The following ATP6V1C1 variants were observed in gnomAD, a reference collection of about 807,000 sequenced individuals.
ATP6V1C1 encodes ATPase H+ transporting V1 subunit C1.
Under a neutral mutation model 53.9 loss-of-function variants are expected in ATP6V1C1, and 45 were observed. The ratio of observed to expected loss-of-function variants is 0.83; its 90% CI spans 0.66 to 1.07. The LOEUF (loss-of-function observed/expected upper bound fraction) is 1.07. ATP6V1C1 is among the 50% of genes least tolerant of loss of function. ATP6V1C1 has a pLI of 0.00. For missense variants in ATP6V1C1, 315 were observed against 440.3 expected (o/e 0.72, Z 2.55); for synonymous variants, 153 against 155.2 (o/e 0.99, Z 0.11).
intron 8 of ATP6V1C1, among the ~76,000 whole-genome samples, chr8:103,060,832 T>C (rs1282087551): frequency 1.3e-5 from 2 of 152,226 alleles, no homozygotes; most frequent in African/African-American, 2.4e-5. Flanking sequence ...AGGAATTTGC[T>C]GTGTCCCAGA....
intron 2 of ATP6V1C1, among the ~76,000 whole-genome samples, chr8:103,041,440 A>C (rs1049475931): frequency 6.6e-6 from 1 of 152,240 alleles, no homozygotes; most frequent in Non-Finnish European, 1.5e-5. Context: ...GTCATCTAGC[A>C]GCCTCAAAGT....
chr8:103,063,280 G>A lies in ATP6V1C1; in HGVS notation c.828+52G>A, dbSNP rs190513001. 5.4e-3 allele frequency: 6,397 copies of A among 1,182,144 alleles called. 29 individuals are homozygous for A. Among genetic ancestry groups the A allele is most frequent in the Non-Finnish European group, 6.6e-3 (5,531 of 839,676 alleles). The allele number at this position is 1,182,144 out of a possible 1,614,324, so 73.2% of individuals were successfully genotyped here. ...TCAGTACTAAGCAGAAGAAAAAGTG[G>A]TATTGCTTTCCTTTGATTTAAAAGA... On this transcript the variant is annotated intron_variant, in intron 10 of 12. Coordinates refer to ENST00000518738, the MANE Select transcript of ATP6V1C1 (RefSeq NM_001695.5).
rs1341571517 is a variant in ATP6V1C1 at position 103,052,799 on chromosome 8, T to G, written c.450T>G (p.Leu150=). ...ASAYNNLKGN[L]QNLERKNAGS... ...CATACAATAACCTGAAAGGAAATCTTCAGAATTTGGAACGAAAGAATGCGT... is the reference window on the plus strand; with the variant it reads ...CATACAATAACCTGAAAGGAAATCTGCAGAATTTGGAACGAAAGAATGCGT... The change falls in exon 6 of 13, where the codon CTT becomes CTG. Residue 150 remains leucine (L), a synonymous_variant. Coordinates refer to ENST00000518738, the MANE Select transcript of ATP6V1C1 (RefSeq NM_001695.5). The G allele has an allele frequency of 5.0e-6, 8 of 1,597,846 alleles. No individual in the cohort carries two copies. Among genetic ancestry groups the G allele is most frequent in the Non-Finnish European group, 6.8e-6 (8 of 1,173,126 alleles).
rs1462019343 is a variant in ATP6V1C1, at chr8:103,062,950, CAT to C, written c.642-3_642-2del. ...TCTTTAAATGGACTTTTTTTTTTTC[CAT>C]AGTGTTCTTTCAGAGGACCAAGACA... On this transcript the variant is annotated splice_polypyrimidine_tract_variant and splice_region_variant and intron_variant, in intron 8 of 12. Transcript: ENST00000518738. 1 of 1,599,610 alleles carries C rather than the reference CAT, an allele frequency of 6.3e-7. No individual in the cohort carries two copies. The highest frequency in any genetic ancestry group is 2.2e-5 in the East Asian group (1 of 44,720).
Position 103,038,126 on chromosome 8 carries a change from C to G in ATP6V1C1, c.-39-2672C>G, listed in dbSNP as rs189329287. Among the ~76,000 whole-genome samples, 642 of 152,228 alleles carry G rather than the reference C, an allele frequency of 4.2e-3. 7 individuals are homozygous for G. Among genetic ancestry groups the G allele is most frequent in the Middle Eastern group, 0.024 (7 of 294 alleles). On this transcript the variant is annotated intron_variant, in intron 1 of 12. Coordinates refer to ENST00000518738, the MANE Select transcript of ATP6V1C1 (RefSeq NM_001695.5). ...ATTCTGTGAGTTGCTGGGGTAGTCC[C>G]TCTGCTTGTTTTGCCTGGACTCATT...
At chr8:103,043,076 T>G (rs1817029424) in intron 3 of ATP6V1C1, among the ~76,000 whole-genome samples, 1 of 152,204 alleles carries the variant, frequency 6.6e-6, no homozygotes, top group Non-Finnish European at 1.5e-5. Context: ...GAAGTTTGTG[T>G]TCTTAAATGT....
chr8:103,048,787 G>T, intron 3 of ATP6V1C1, 83 bp from the exon 4 acceptor site: 2 of 1,161,470 alleles, frequency 1.7e-6, no homozygotes, highest in Non-Finnish European at 1.3e-6. Context: ...TCAAATTCAT[G>T]TCTTTATGTA....
At position 103,051,164 on chromosome 8, in the gene ATP6V1C1, A is replaced by C; in HGVS notation, c.381+20A>C. Reference sequence around the variant, plus strand: ...GCCAAGGTAAGATAATACTTGAGACAAGTAGGACACATTGATTTGTAGTGG... The same window carrying C: ...GCCAAGGTAAGATAATACTTGAGACCAGTAGGACACATTGATTTGTAGTGG... On this transcript the variant is annotated intron_variant, in intron 5 of 12. Transcript: ENST00000518738. The C allele has an allele frequency of 6.6e-7, 1 of 1,516,102 alleles. No homozygotes were observed. The highest frequency in any genetic ancestry group is 9.1e-7 in the Non-Finnish European group (1 of 1,097,970). 93.9% of individuals were successfully genotyped at this position (1,516,102 alleles called of 1,614,324 possible).
rs1018807036 is a variant in ATP6V1C1, at chr8:103,054,079, G to A, written c.572+97G>A. 7.5e-5 allele frequency: 70 copies of A among 931,166 alleles called. 1 individual carries two copies. The highest frequency in any genetic ancestry group is 6.3e-4 in the Admixed American group (24 of 37,932). The allele number at this position is 931,166 out of a possible 1,614,324, so 57.7% of individuals were successfully genotyped here. On this transcript the variant is annotated intron_variant, in intron 7 of 12. Transcript: ENST00000518738. ...TTGAAGTTTTCCATAAAATCCAAGC[G>A]TAAAAGGAATATAACCTTGCCATTC...
In ATP6V1C1 at chr8:103,049,105, G is replaced by A. The variant is rs534385734; in HGVS notation, c.286+150G>A. 3.4e-5 allele frequency: 23 copies of A among 686,270 alleles called. No individual in the cohort carries two copies. In the African/African-American group the frequency reaches 4.2e-4, roughly 12 times the overall value. The allele number at this position is 686,270 out of a possible 1,614,324, so 42.5% of individuals were successfully genotyped here. On this transcript the variant is annotated intron_variant, in intron 4 of 12. Transcript: ENST00000518738. Reference sequence around the variant, plus strand: ...AATACAATTATTATTACTGAATTTGGTGATACTTCCAGGTACATCCTGTTC... The same window carrying A: ...AATACAATTATTATTACTGAATTTGATGATACTTCCAGGTACATCCTGTTC...
At chr8:103,023,340 GGGA>G (rs1344284670) in intron 1 of ATP6V1C1, among the ~76,000 whole-genome samples, 4 of 151,354 alleles carry the variant, frequency 2.6e-5, no homozygotes, top group African/African-American at 9.7e-5. Flanking sequence ...AGTGAATGAG[GGGA>G]GACCCGCTCA....
chr8:103,065,569 A>G (rs536956870), intron 11 of ATP6V1C1, among the ~76,000 whole-genome samples: 57 of 152,202 alleles, frequency 3.7e-4, no homozygotes, highest in South Asian at 8.3e-4. Context: ...ACTCCGCCTG[A>G]AAAAACAAAA....
At chr8:103,060,919 T>A (rs1287303893) in intron 8 of ATP6V1C1, among the ~76,000 whole-genome samples, 2 of 152,190 alleles carry the variant, frequency 1.3e-5, no homozygotes, top group Non-Finnish European at 1.5e-5. Flanking sequence ...CACCAAATGC[T>A]TTTGGAAGGG....
intron 1 of ATP6V1C1, among the ~76,000 whole-genome samples, chr8:103,039,179 G>A (rs1290525104): frequency 4.6e-5 from 7 of 152,110 alleles, no homozygotes; most frequent in African/African-American, 1.4e-4. Context: ...TATTTACCTC[G>A]TAGAGGTGTT....
Position 103,023,917 on chromosome 8 carries a change from A to C in ATP6V1C1, c.-40+2692A>C, listed in dbSNP as rs191788921. 3.2e-3 allele frequency among the ~76,000 whole-genome samples: 491 copies of C among 151,516 alleles called. 2 individuals are homozygous for C. Among genetic ancestry groups the C allele is most frequent in the African/African-American group, 0.011 (470 of 41,222 alleles). On this transcript the variant is annotated intron_variant, in intron 1 of 12. Transcript: ENST00000518738. ...CAGCATTTTTTTTTGGGGGGGGGGA[A>C]CTTCTCCCTGAAGAGTCAGCACTTT...
At chr8:103,067,416 AT>A (rs1197473865) in intron 12 of ATP6V1C1, among the ~76,000 whole-genome samples, 6 of 147,742 alleles carry the variant, frequency 4.1e-5, no homozygotes, top group African/African-American at 1.5e-4. Flanking sequence ...AAAAAAAAAA[AT>A]TGTAGTGGGC....
chr8:103,042,910 A>G (rs145232085), intron 3 of ATP6V1C1, among the ~76,000 whole-genome samples: 197 of 152,312 alleles, frequency 1.3e-3, no homozygotes, highest in African/African-American at 4.5e-3. Flanking sequence ...TTATCCCAGC[A>G]GTTGCATGTA....
intron 3 of ATP6V1C1, among the ~76,000 whole-genome samples, chr8:103,045,149 CTT>C (rs1177319687): frequency 6.6e-6 from 1 of 152,106 alleles, no homozygotes; most frequent in African/African-American, 2.4e-5. Context: ...TTGATTGAAG[CTT>C]TAAGGGAATA....
chr8:103,045,019 G>A (rs915729094), intron 3 of ATP6V1C1, among the ~76,000 whole-genome samples: 1 of 152,150 alleles, frequency 6.6e-6, no homozygotes, highest in Non-Finnish European at 1.5e-5. Flanking sequence ...ATTTTGATTA[G>A]TTGGCAGAAT....
Sources: gnomAD v4.1 joint callset for allele counts (sites outside exome capture counted in the v4.1 genomes callset) on GRCh38, gnomAD v4.1.1 for gene constraint, MANE v1.5 for transcripts, NCBI Gene and HGNC (gene_info 2026-07-23, HGNC 2026-07-21) for gene names.